The following CENPF variants were observed in gnomAD, a reference collection of about 807,000 sequenced individuals.
CENPF encodes centromere protein F.
A neutral mutation model predicts 307.3 loss-of-function variants in CENPF; 214 were observed. The observed-to-expected ratio is 0.70, with a 90% CI of 0.62 to 0.78. The LOEUF (loss-of-function observed/expected upper bound fraction) is 0.78, where lower values mean the gene tolerates loss of function less well. Among genes scored for constraint, CENPF ranks in the 30% least tolerant of loss-of-function variants. The probability of loss-of-function intolerance (pLI) is 0.00; values close to 1 mark genes in which losing one functional copy is unlikely to be tolerated. For synonymous variants in CENPF, 1,259 were observed against 1,270.6 expected, an observed-to-expected ratio of 0.99 and a Z score of 0.19; for missense variants, 3,401 against 3,483.9, an observed-to-expected ratio of 0.98 and a Z score of 0.60.
chr1:214,608,499 G>A lies in CENPF; in HGVS notation c.-42+5178G>A, dbSNP rs547019667. Reference sequence around the variant, plus strand: ...CCACGGCATTGCTGTGCGAGAAGAGGACCGTGTACCTGGCACCAGTCACGC... The same window carrying A: ...CCACGGCATTGCTGTGCGAGAAGAGAACCGTGTACCTGGCACCAGTCACGC... On this transcript the variant is annotated intron_variant, in intron 1 of 19. Transcript: ENST00000366955. The A allele has an allele frequency of 4.3e-6, 7 of 1,612,376 alleles. No individual in the cohort carries two copies. The African/African-American group carries it at 9.3e-5, about 21-fold the overall frequency.
intron 18 of CENPF, among the ~76,000 whole-genome samples, 189 bp from the exon 19 acceptor site, chr1:214,658,661 G>C (rs1184216498): frequency 6.6e-6 from 1 of 152,084 alleles, no homozygotes; most frequent in Admixed American, 6.6e-5. Context: ...AGAAAAACCT[G>C]TTAAGTTATT....
intron 16 of CENPF, 100 bp from the exon 17 acceptor site, chr1:214,655,141 T>A (rs1331366130): frequency 1.4e-6 from 1 of 732,080 alleles, no homozygotes; most frequent in Non-Finnish European, 2.0e-6. Flanking sequence ...CTAATAATTC[T>A]TAAATTTACA....
At chr1:214,662,271 C>G (rs1223673246) in intron 19 of CENPF, among the ~76,000 whole-genome samples, 1 of 151,510 alleles carries the variant, frequency 6.6e-6, no homozygotes, top group African/African-American at 2.4e-5. Flanking sequence ...AAAAAAGTAC[C>G]AGCAAAACTT....
At chr1:214,636,635 T>C (rs556539387) in intron 10 of CENPF, among the ~76,000 whole-genome samples, 2 of 152,320 alleles carry the variant, frequency 1.3e-5, no homozygotes, top group African/African-American at 2.4e-5. Flanking sequence ...CATCTGCTGG[T>C]AGTAACCAGA....
chr1:214,616,923 T>G (rs1348477448), intron 3 of CENPF, among the ~76,000 whole-genome samples: 7 of 121,818 alleles, frequency 5.7e-5, no homozygotes, highest in Non-Finnish European at 1.0e-4. Context: ...CTTTCTTTCT[T>G]CTTTCTTTCC....
Position 214,621,030 on chromosome 1 carries a change from G to A in CENPF, c.865+84G>A, listed in dbSNP as rs1031306077. The A allele has an allele frequency of 2.3e-5, 31 of 1,327,742 alleles. No homozygotes were observed. In the South Asian group the frequency reaches 4.4e-4, roughly 19 times the overall value. The allele number at this position is 1,327,742 out of a possible 1,614,324, so 82.2% of individuals were successfully genotyped here. A position where few individuals can be genotyped will look rare whatever the true frequency, so the allele number is the denominator to read the frequency against. On this transcript the variant is annotated intron_variant, in intron 6 of 19. Transcript: ENST00000366955. ...TTTCAGATATTTTTAATCCCATAAA[G>A]TGCTTATGTGTTTTGTTAGGCACAT...
At chr1:214,626,292 G>T (rs1383635871) in intron 7 of CENPF, among the ~76,000 whole-genome samples, 2 of 152,122 alleles carry the variant, frequency 1.3e-5, no homozygotes, top group Non-Finnish European at 2.9e-5. Flanking sequence ...TCCTTAGTCA[G>T]TCTGCCTTCT....
At chr1:214,628,987 AT>A (rs1338363617) in intron 7 of CENPF, 58 bp from the exon 8 acceptor site, 5 of 1,321,362 alleles carry the variant, frequency 3.8e-6, no homozygotes, top group Non-Finnish European at 5.1e-6. Flanking sequence ...AACACAAAAT[AT>A]TTGTTCATTT....
chr1:214,658,884 A>G lies in CENPF; in HGVS notation c.8997A>G (p.Pro2999=), dbSNP rs528335658. The G allele has an allele frequency of 3.7e-5, 60 of 1,614,106 alleles. 1 individual carries two copies. In the South Asian group the frequency reaches 6.0e-4, roughly 16 times the overall value. Residue 2999 remains proline, a synonymous_variant, in exon 19 of 20, where the codon CCA becomes CCG. Transcript: ENST00000366955. ...ACATCCCGACAGGAAAGACTAGCCC[A>G]TATATCCTGCGAAGAACAACCATGG... is the stretch of plus-strand genomic sequence containing the variant. The part of the protein sequence containing the change: ...FADIPTGKTS[P]YILRRTTMAT...
At position 214,640,275 on chromosome 1, in the gene CENPF, A is replaced by G; in HGVS notation, c.1937A>G (p.His646Arg). 2 of 1,613,824 alleles carry G rather than the reference A, an allele frequency of 1.2e-6. No homozygotes were observed. Among genetic ancestry groups the G allele is most frequent in the East Asian group, 2.2e-5 (1 of 44,868 alleles). ...GAAAACTTGCAGAGTAAAATTAATC[A>G]CTTGGAAACTTGTCTGAAGACACAG... ...EKENLQSKIN[H>R]LETCLKTQQI... Residue 646 changes from histidine to arginine, a missense_variant, in exon 12 of 20, where the codon CAC (histidine) becomes CGC (arginine). Transcript: ENST00000366955.
intron 13 of CENPF, 144 bp downstream of exon 13, chr1:214,647,544 G>C (rs1472427292): frequency 3.3e-6 from 3 of 918,764 alleles, no homozygotes; most frequent in Non-Finnish European, 4.7e-6. Context: ...ATGTTTACTG[G>C]GTCTTGAATT....
At position 214,639,984 on chromosome 1, in the gene CENPF, ACTC is replaced by A. The variant is rs1553288579; in HGVS notation, c.1649_1651del (p.Ser550del). 1.9e-6 allele frequency: 3 copies of A among 1,576,644 alleles called. No homozygotes were observed. Among genetic ancestry groups the A allele is most frequent in the Non-Finnish European group, 2.6e-6 (3 of 1,169,486 alleles). The stretch of plus-strand genomic sequence containing the variant: ...CAAGAAAAAATAAATCAGCAAGAAA[ACTC>A]CTTGACTTTAGAAAAACTGAAGCTT... On this transcript the variant is annotated inframe_deletion, in exon 12 of 20. Coordinates refer to ENST00000366955, the MANE Select transcript of CENPF (RefSeq NM_016343.4).
At chr1:214,619,275 T>C in intron 5 of CENPF, 55 bp downstream of exon 5, 3 of 884,444 alleles carry the variant, frequency 3.4e-6, no homozygotes, top group East Asian at 5.0e-5. Flanking sequence ...TACTTTGATA[T>C]AGAATAGAAC....
intron 1 of CENPF, chr1:214,608,862 GC>G: frequency 6.6e-7 from 1 of 1,504,534 alleles, no homozygotes. Flanking sequence ...CCCGGGCCAG[GC>G]CCCCACCGGG....
Position 214,632,500 on chromosome 1 carries a change from G to A in CENPF, c.1344G>A (p.Gln448=). Residue 448 remains glutamine, a synonymous_variant, in exon 10 of 20, where the codon CAG becomes CAA. Coordinates refer to ENST00000366955, the MANE Select transcript of CENPF (RefSeq NM_016343.4). ...ELDKLTSVKQ[Q]LENNLEEFKQ... is the part of the protein sequence containing the mutation. ...TGTAGCTCACATCAGTAAAGCAACAGCTAGAAAACAATTTGGAAGAGTTTA... is the reference window on the plus strand; with the variant it reads ...TGTAGCTCACATCAGTAAAGCAACAACTAGAAAACAATTTGGAAGAGTTTA... 1 of 1,613,882 alleles carries A rather than the reference G, an allele frequency of 6.2e-7. No homozygotes were observed. The highest frequency in any genetic ancestry group is 8.5e-7 in the Non-Finnish European group (1 of 1,179,894).
At chr1:214,608,568 G>C (rs1473425277) in intron 1 of CENPF, 15 of 1,610,336 alleles carry the variant, frequency 9.3e-6, no homozygotes, top group Non-Finnish European at 1.3e-5. Flanking sequence ...GGGCGCTCTT[G>C]GTGGGGAAGA....
rs759054948 is a variant in CENPF, at chr1:214,640,852, A to G, written c.2514A>G (p.Ser838=). The part of the protein sequence containing the change: ...LQNRVDSLEF[S]LESQKQMNSD... ...ATAGAGTTGATTCACTTGAATTTTCATTAGAGTCTCAAAAACAGATGAACT... is the reference window on the plus strand; with the variant it reads ...ATAGAGTTGATTCACTTGAATTTTCGTTAGAGTCTCAAAAACAGATGAACT... Residue 838 remains serine, a synonymous_variant, in exon 12 of 20, where the codon TCA becomes TCG. Coordinates refer to ENST00000366955, the MANE Select transcript of CENPF (RefSeq NM_016343.4). 4 of 1,599,512 alleles carry G rather than the reference A, an allele frequency of 2.5e-6. No homozygotes were observed. The highest frequency in any genetic ancestry group is 3.4e-6 in the Non-Finnish European group (4 of 1,175,498).
Position 214,642,037 on chromosome 1 carries a change from C to T in CENPF, c.3699C>T (p.Cys1233=). The T allele has an allele frequency of 6.2e-7, 1 of 1,610,512 alleles. No individual in the cohort carries two copies. The highest frequency in any genetic ancestry group is 1.1e-5 in the South Asian group (1 of 90,136). ...KLQESEKEKE[C]LQHELQTIRG... The stretch of plus-strand genomic sequence containing the variant: ...AGGAAAGTGAGAAGGAGAAGGAGTG[C>T]CTGCAGCATGAATTACAGACAATTA... Residue 1233 remains cysteine, a synonymous_variant, in exon 12 of 20, where the codon TGC becomes TGT. Coordinates refer to ENST00000366955, the MANE Select transcript of CENPF (RefSeq NM_016343.4).
At position 214,642,804 on chromosome 1, in the gene CENPF, G is replaced by A. The variant is rs1658164644; in HGVS notation, c.4466G>A (p.Ser1489Asn). 2 of 1,613,954 alleles carry A rather than the reference G, an allele frequency of 1.2e-6. No individual in the cohort carries two copies. Among genetic ancestry groups the A allele is most frequent in the East Asian group, 2.2e-5 (1 of 44,872 alleles). ...SCVPDSSSLS[S>N]LGDSSFYRAL... ...GTGCCTGACAGCTCTAGTCTTAGCA[G>A]TTTGGGAGACTCCTCCTTTTACAGA... Residue 1489 changes from serine to asparagine, a missense_variant, in exon 12 of 20, where the codon AGT becomes AAT. Coordinates refer to ENST00000366955, the MANE Select transcript of CENPF (RefSeq NM_016343.4).
Sources: gnomAD v4.1 joint callset for allele counts (sites outside exome capture counted in the v4.1 genomes callset) on GRCh38, gnomAD v4.1.1 for gene constraint, MANE v1.5 for transcripts, NCBI Gene and HGNC (gene_info 2026-07-23, HGNC 2026-07-21) for gene names.